The following TMEM235 variants were observed in gnomAD, a reference collection of about 807,000 sequenced individuals.
The protein encoded by TMEM235 is claudin-27.
In TMEM235, 23 loss-of-function variants were observed where a neutral mutation model predicts 22.9. That is an observed-to-expected ratio of 1.00 (90% confidence interval 0.72 to 1.42). The LOEUF is 1.42. Among genes scored for constraint, TMEM235 ranks in the 40% most tolerant of loss-of-function variants. The probability of loss-of-function intolerance (pLI) is 0.00; values close to 1 mark genes in which losing one functional copy is unlikely to be tolerated. For missense variants in TMEM235, 308 were observed against 299.5 expected (o/e 1.03, Z -0.21); for synonymous variants, 137 against 140.5 (o/e 0.98, Z 0.17).
rs780423353 is a variant in TMEM235, at chr17:78,239,829, G to A, written c.*37G>A. 26 of 1,551,322 alleles carry A rather than the reference G, an allele frequency of 1.7e-5. No homozygotes were observed. In the South Asian group the frequency reaches 2.6e-4, roughly 16 times the overall value. On this transcript the variant is annotated 3_prime_UTR_variant, in exon 6 of 6. Coordinates refer to ENST00000421688, the Ensembl canonical transcript of TMEM235. ...GCAGAGGGACCCACCCAGATCGCCT[G>A]GCGCCAGAGAGATGCCGTCTCAGGC...
chr17:78,234,739 G>C lies in TMEM235; in HGVS notation c.409+9G>C. ...CTACTTCCTGCTGGGGAGTGAGTCTGGGGCCCTGGGGGAATGGCTCCAAAG... is the reference window on the plus strand; with the variant it reads ...CTACTTCCTGCTGGGGAGTGAGTCTCGGGCCCTGGGGGAATGGCTCCAAAG... On this transcript the variant is annotated intron_variant, in intron 4 of 5. Transcript: ENST00000421688. 6.5e-7 allele frequency: 1 copy of C among 1,536,060 alleles called. No individual in the cohort carries two copies. Among genetic ancestry groups the C allele is most frequent in the Non-Finnish European group, 8.7e-7 (1 of 1,146,850 alleles).
At chr17:78,232,203 C>T in exon 2 of TMEM235, 1 of 1,481,024 alleles carries the variant, frequency 6.8e-7, no homozygotes, top group Non-Finnish European at 8.9e-7. Flanking sequence ...GGCTCTGGCG[C>T]ATCTGCGAAG....
At chr17:78,233,320 A>C (rs2076605193) in intron 2 of TMEM235, among the ~76,000 whole-genome samples, 1 of 152,194 alleles carries the variant, frequency 6.6e-6, no homozygotes, top group African/African-American at 2.4e-5. Flanking sequence ...AACGCATTAC[A>C]AGGACCCCTG....
At chr17:78,234,636 C>A (rs776712196) in exon 4 of TMEM235, 1 of 1,536,244 alleles carries the variant, frequency 6.5e-7, no homozygotes, top group Non-Finnish European at 8.7e-7. Context: ...TGAGCCTGGT[C>A]CTTCTCGTGT....
intron 2 of TMEM235, among the ~76,000 whole-genome samples, chr17:78,232,711 C>T (rs1327524946): frequency 6.6e-6 from 1 of 150,956 alleles, no homozygotes; most frequent in Non-Finnish European, 1.5e-5. Flanking sequence ...GCTGGAGGGT[C>T]CACAGGGCCC....
chr17:78,233,644 G>A (rs1464269702), intron 2 of TMEM235, among the ~76,000 whole-genome samples: 1 of 151,214 alleles, frequency 6.6e-6, no homozygotes, highest in African/African-American at 2.4e-5. Context: ...GCAGTGAACC[G>A]AGATCGCGCC....
chr17:78,233,663 C>T (rs1324410931), intron 2 of TMEM235, among the ~76,000 whole-genome samples: 1 of 148,824 alleles, frequency 6.7e-6, no homozygotes, highest in Admixed American at 6.7e-5. Context: ...CCACTGCACT[C>T]CAGCCTGGGG....
chr17:78,231,384 C>G (rs2076576751), intron 1 of TMEM235: 2 of 1,258,198 alleles, frequency 1.6e-6, no homozygotes. Flanking sequence ...CTGGAGGGGG[C>G]ATTTGTAATT....
At chr17:78,236,505 C>T (rs2076645824) in intron 4 of TMEM235, among the ~76,000 whole-genome samples, 1 of 152,210 alleles carries the variant, frequency 6.6e-6, no homozygotes, top group Non-Finnish European at 1.5e-5. Context: ...CCCCCAGTCC[C>T]AGCTGCAGGT....
chr17:78,231,668 T>C, exon 2 of TMEM235: 1 of 1,295,910 alleles, frequency 7.7e-7, no homozygotes, highest in African/African-American at 1.5e-5. Context: ...TGCATCTTGT[T>C]TGGCTGCTGA....
exon 6 of TMEM235, chr17:78,239,835 A>T (rs765328768): frequency 2.6e-5 from 40 of 1,551,334 alleles, no homozygotes; most frequent in Non-Finnish European, 2.6e-6. Context: ...GCCTGGCGCC[A>T]GAGAGATGCC....
chr17:78,239,127 C>G, exon 5 of TMEM235: 2 of 1,543,318 alleles, frequency 1.3e-6, no homozygotes, highest in Non-Finnish European at 8.7e-7. Flanking sequence ...AGGGCGTCCG[C>G]GTCAGCTTCG....
Position 78,239,137 on chromosome 17 carries a change from G to A in TMEM235, c.523G>A (p.Gly175Ser), listed in dbSNP as rs1157024031. The A allele has an allele frequency of 1.3e-6, 2 of 1,542,836 alleles. No individual in the cohort carries two copies. Among genetic ancestry groups the A allele is most frequent in the South Asian group, 1.2e-5 (1 of 84,066 alleles). ...CATGCAGGGCGTCCGCGTCAGCTTC[G>A]GCTGGTCCATGGCCCTGGCCTGGGG... The change falls in exon 5 of 6, where the codon GGC becomes AGC. Residue 175 changes from glycine to serine, a missense_variant. By Grantham distance (56) the Gly-to-Ser change is moderately conservative. Coordinates refer to ENST00000421688, the Ensembl canonical transcript of TMEM235.
At chr17:78,234,598 C>A in exon 4 of TMEM235, 1 of 1,536,236 alleles carries the variant, frequency 6.5e-7, no homozygotes, top group African/African-American at 1.4e-5. Flanking sequence ...TGCAGTGCTG[C>A]ACCGTGCAGT....
At chr17:78,236,192 C>T (rs932163668) in intron 4 of TMEM235, among the ~76,000 whole-genome samples, 2 of 152,206 alleles carry the variant, frequency 1.3e-5, no homozygotes, top group African/African-American at 4.8e-5. Context: ...ATGAGGGCCT[C>T]CAGGGCAACC....
rs61742450 is a variant in TMEM235 at position 78,239,082 on chromosome 17, G to A, written c.468G>A (p.Ala156=). Residue 156 remains alanine (A), a synonymous_variant, in exon 5 of 6, where the codon GCG becomes GCA. Transcript: ENST00000421688. The stretch of plus-strand genomic sequence containing the variant: ...TCAGCTACTCGCACCTGGCCTTTGC[G>A]GAGACGGTGCAGCAGTATGGCCCGC... The A allele has an allele frequency of 1.3e-4, 207 of 1,544,466 alleles. No individual in the cohort carries two copies. The African/African-American group carries it at 2.3e-3, about 17-fold the overall frequency.
intron 4 of TMEM235, among the ~76,000 whole-genome samples, chr17:78,234,990 C>T (rs1246749028): frequency 2.0e-5 from 3 of 152,260 alleles, no homozygotes; most frequent in Non-Finnish European, 4.4e-5. Flanking sequence ...AGCAGTGGCT[C>T]ATGCCTGTGA....
chr17:78,237,006 G>A lies in TMEM235; in HGVS notation c.410-2018G>A, dbSNP rs2076651835. On this transcript the variant is annotated intron_variant, in intron 4 of 5. Transcript: ENST00000421688. This position sits in a 1 kb window ranked among gnomAD's most constrained non-coding sequence, Gnocchi z 4.7. ...CAGCGACTAGAGTGTAATTGGGTTGGGATTGTAACCAGAAGAACTTACAGG... is the reference window on the plus strand; with the variant it reads ...CAGCGACTAGAGTGTAATTGGGTTGAGATTGTAACCAGAAGAACTTACAGG... Among the ~76,000 whole-genome samples, 1 of 152,208 alleles carries A rather than the reference G, an allele frequency of 6.6e-6. No homozygotes were observed. The highest frequency in any genetic ancestry group is 6.5e-5 in the Admixed American group (1 of 15,276).
exon 6 of TMEM235, chr17:78,240,910 A>AT (rs1481798996): frequency 1.3e-5 from 2 of 152,058 alleles, no homozygotes; most frequent in Non-Finnish European, 2.9e-5. Context: ...TAAGCCTTTT[A>AT]TTTTTCTTAG....
Sources: allele counts gnomAD v4.1 joint callset (sites outside exome capture counted in the v4.1 genomes callset), GRCh38; gene constraint gnomAD v4.1.1; non-coding constraint Gnocchi (gnomAD v3.1); transcripts MANE v1.5; gene names NCBI Gene and HGNC (gene_info 2026-07-23, HGNC 2026-07-21).